Variants in GTPBP8 observed in about 807,000 individuals in gnomAD.
GTPBP8 encodes the protein GTP binding protein 8, also known as GTP-binding protein 8.
A neutral mutation model predicts 27.3 loss-of-function variants in GTPBP8; 21 were observed. That is an observed-to-expected ratio of 0.77 (90% confidence interval 0.55 to 1.11). The LOEUF is 1.11. GTPBP8 is among the 50% of genes least tolerant of loss of function. The probability of loss-of-function intolerance (pLI) is 0.00; values close to 1 mark genes in which losing one functional copy is unlikely to be tolerated. For missense variants in GTPBP8, 380 were observed against 350.8 expected (o/e 1.08, Z -0.67); for synonymous variants, 147 against 135.3 (o/e 1.09, Z -0.60).
Position 112,993,023 on chromosome 3 carries a change from A to C in GTPBP8, c.337-3A>C, listed in dbSNP as rs749506973. ...GTACTTATCTTGTTTTTTCTTGTAT[A>C]AGGTGTGTTTTATAGGCAGAAGCAA... On this transcript the variant is annotated splice_region_variant and splice_polypyrimidine_tract_variant and intron_variant, in intron 1 of 5. Transcript: ENST00000383678. 2.6e-6 allele frequency: 4 copies of C among 1,553,348 alleles called. No individual in the cohort carries two copies. The highest frequency in any genetic ancestry group is 3.4e-4 in the Middle Eastern group (2 of 5,932).
Position 112,991,182 on chromosome 3 carries a change from C to A in GTPBP8, c.183C>A (p.Tyr61Ter). The A allele has an allele frequency of 6.2e-7, 1 of 1,614,164 alleles. No homozygotes were observed. The highest frequency in any genetic ancestry group is 1.1e-5 in the South Asian group (1 of 91,090). Residue 61 changes from tyrosine to a stop codon, truncating the protein, a stop_gained, in exon 1 of 6, where the codon TAC becomes TAA. Transcript: ENST00000383678. LOFTEE classifies it high-confidence loss of function. ...LQEVERFLAP[Y>*]GRQDLHLRIF... is the part of the protein sequence containing the mutation. ...AAGTAGAGCGGTTCCTCGCCCCCTA[C>A]GGGAGGCAAGACCTTCACCTGCGTA...
At chr3:112,995,428 A>G (rs1242422979) in intron 3 of GTPBP8, among the ~76,000 whole-genome samples, 163 bp downstream of exon 3, 1 of 152,204 alleles carries the variant, frequency 6.6e-6, no homozygotes, top group Admixed American at 6.5e-5. Context: ...ATTTAGGACC[A>G]AGGTATATAC....
intron 1 of GTPBP8, 68 bp from the exon 2 acceptor site, chr3:112,992,958 T>G: frequency 3.7e-6 from 3 of 804,990 alleles, no homozygotes; most frequent in Non-Finnish European, 6.2e-6. Flanking sequence ...GAATTTGAAG[T>G]TTTTTACATC....
At chr3:112,993,747 G>A (rs769216866) in intron 2 of GTPBP8, among the ~76,000 whole-genome samples, 4 of 152,056 alleles carry the variant, frequency 2.6e-5, no homozygotes, top group South Asian at 2.1e-4. Flanking sequence ...GTGTATGTGC[G>A]TGCACGAACG....
chr3:112,991,099 G>A lies in GTPBP8; in HGVS notation c.100G>A (p.Ala34Thr). ...CTATAATAGCACGTCCCAAGCTTTT[G>A]CTGAGGTGCTGCGGCTGCCGAAGCA... ...SRYNSTSQAF[A>T]EVLRLPKQQL... Residue 34 changes from alanine (A) to threonine (T), a missense_variant, in exon 1 of 6, where the codon GCT becomes ACT. Transcript: ENST00000383678. 1 of 1,614,132 alleles carries A rather than the reference G, an allele frequency of 6.2e-7. No individual in the cohort carries two copies. The highest frequency in any genetic ancestry group is 8.5e-7 in the Non-Finnish European group (1 of 1,180,020).
At chr3:112,996,348 C>A (rs1010990004) in intron 3 of GTPBP8, among the ~76,000 whole-genome samples, 1 of 151,810 alleles carries the variant, frequency 6.6e-6, no homozygotes, top group Non-Finnish European at 1.5e-5. Context: ...TGCCTGTAAT[C>A]CCAACTCCTC....
At chr3:112,998,591 G>C (rs143529954) in intron 4 of GTPBP8, among the ~76,000 whole-genome samples, 48 of 152,150 alleles carry the variant, frequency 3.2e-4, no homozygotes, top group African/African-American at 1.0e-3. Context: ...TGGAATGAGG[G>C]TCATATGACC....
In GTPBP8 at chr3:112,991,225, G is replaced by C. The variant is rs750674632; in HGVS notation, c.226G>C (p.Glu76Gln). The C allele has an allele frequency of 3.7e-6, 6 of 1,614,056 alleles. No homozygotes were observed. Among genetic ancestry groups the C allele is most frequent in the East Asian group, 2.2e-5 (1 of 44,894 alleles). ...CCTGCGTATCTTTGACCCAAGCCCG[G>C]AGGACATAGCCAGGGCGGACAACAT... Reference protein sequence around the residue: ...LHLRIFDPSPEDIARADNIFT... With the variant: ...LHLRIFDPSPQDIARADNIFT... The change falls in exon 1 of 6, where the codon GAG becomes CAG. Residue 76 changes from glutamate (E) to glutamine (Q), a missense_variant. Coordinates refer to ENST00000383678, the MANE Select transcript of GTPBP8 (RefSeq NM_014170.4).
rs1559711059 is a variant in GTPBP8, at chr3:112,996,889, TAGCTTGA to T, written c.567_573del (p.Asn189LysfsTer6). On this transcript the variant is annotated splice_acceptor_variant and coding_sequence_variant, in exon 4 of 6. Transcript: ENST00000383678. LOFTEE classifies it high-confidence loss of function. Reference sequence around the variant, plus strand: ...ATTAATCTTCTTTTCTACATGCTTATAGCTTGAAGAGAACATTTTTATTAGTGGATAG... The same window carrying T: ...ATTAATCTTCTTTTCTACATGCTTATAGAGAACATTTTTATTAGTGGATAG... 1 of 1,351,170 alleles carries T rather than the reference TAGCTTGA, an allele frequency of 7.4e-7. No individual in the cohort carries two copies. Among genetic ancestry groups the T allele is most frequent in the Non-Finnish European group, 1.1e-6 (1 of 941,454 alleles). 83.7% of individuals were successfully genotyped at this position (1,351,170 alleles called of 1,614,324 possible). A position where few individuals can be genotyped will look rare whatever the true frequency, so the allele number is the denominator to read the frequency against.
chr3:112,999,326 A>G (rs1206842771), intron 4 of GTPBP8, 120 bp from the exon 5 acceptor site: 6 of 499,026 alleles, frequency 1.2e-5, no homozygotes, highest in Non-Finnish European at 1.8e-5. Context: ...AGATGAGGAA[A>G]TAGGTACAGA....
rs1576168777 is a variant in GTPBP8 at position 112,999,634 on chromosome 3, T to A, written c.785+70T>A. On this transcript the variant is annotated intron_variant, in intron 5 of 5. Transcript: ENST00000383678. ...TTGAGAATGTTGTGGGTTTTTTTTT[T>A]ATTTCGATAGTTTTTGGGGAACAGG... is the stretch of plus-strand genomic sequence containing the variant. 2.9e-5 allele frequency: 20 copies of A among 684,780 alleles called. No homozygotes were observed. In the East Asian group the frequency reaches 4.7e-4, roughly 16 times the overall value. 42.4% of individuals were successfully genotyped at this position (684,780 alleles called of 1,614,324 possible).
chr3:112,999,409 CTTTA>C, intron 4 of GTPBP8, 33 bp from the exon 5 acceptor site: 1 of 717,350 alleles, frequency 1.4e-6, no homozygotes, highest in Non-Finnish European at 2.4e-6. Flanking sequence ...TTAAGAACCA[CTTTA>C]TTTCTAATGC....
chr3:112,993,128 T>C lies in GTPBP8; in HGVS notation c.435+4T>C. On this transcript the variant is annotated splice_donor_region_variant and intron_variant, in intron 2 of 5. Transcript: ENST00000383678. ...AGTCAGAGTCTCCAAAAAACCAGTATGTTGAAGTTTTTAAATATGTTTGGA... is the reference window on the plus strand; with the variant it reads ...AGTCAGAGTCTCCAAAAAACCAGTACGTTGAAGTTTTTAAATATGTTTGGA... The C allele has an allele frequency of 6.7e-7, 1 of 1,486,220 alleles. No individual in the cohort carries two copies. Among genetic ancestry groups the C allele is most frequent in the Non-Finnish European group, 9.4e-7 (1 of 1,065,902 alleles). 92.1% of individuals were successfully genotyped at this position (1,486,220 alleles called of 1,614,324 possible).
intron 5 of GTPBP8, among the ~76,000 whole-genome samples, chr3:113,000,118 T>C (rs937302080): frequency 2.0e-5 from 3 of 152,188 alleles, no homozygotes; most frequent in Non-Finnish European, 4.4e-5. Context: ...CCAGGTGCCA[T>C]GGCTCATGCC....
At chr3:112,999,585 T>C in intron 5 of GTPBP8, 21 bp downstream of exon 5, 1 of 955,480 alleles carries the variant, frequency 1.0e-6, no homozygotes, top group East Asian at 2.5e-5. Flanking sequence ...AATTGTTTTG[T>C]TTTTTGTTTT....
chr3:112,993,391 A>C (rs559683332), intron 2 of GTPBP8, among the ~76,000 whole-genome samples: 1 of 152,274 alleles, frequency 6.6e-6, no homozygotes, highest in Non-Finnish European at 1.5e-5. Context: ...AAAGTGTCTT[A>C]TTGTCATTCT....
intron 4 of GTPBP8, among the ~76,000 whole-genome samples, chr3:112,998,183 C>G (rs1019821705): frequency 6.6e-6 from 1 of 151,984 alleles, no homozygotes; most frequent in Non-Finnish European, 1.5e-5. Flanking sequence ...GGGTTTTTGT[C>G]TTCACCAACA....
intron 3 of GTPBP8, 62 bp from the exon 4 acceptor site, chr3:112,996,830 A>G: frequency 3.9e-6 from 3 of 768,720 alleles, no homozygotes; most frequent in Non-Finnish European, 7.1e-6. Flanking sequence ...AGTAAGGAAG[A>G]GGGGATAAAT....
Position 112,999,498 on chromosome 3 carries a change from T to A in GTPBP8, c.719T>A (p.Val240Glu). 1.3e-6 allele frequency: 2 copies of A among 1,550,346 alleles called. No homozygotes were observed. Among genetic ancestry groups the A allele is most frequent in the Non-Finnish European group, 1.8e-6 (2 of 1,137,546 alleles). Residue 240 changes from valine to glutamate, a missense_variant, in exon 5 of 6, where the codon GTG (valine) becomes GAG (glutamate). Transcript: ENST00000383678. The part of the protein sequence containing the change: ...KSSKGHLLKQ[V>E]LQIQKFVNMK... Reference sequence around the variant, plus strand: ...TCCAAGGGACATCTTTTAAAACAAGTGCTTCAGATCCAGAAATTTGTTAAC... The same window carrying A: ...TCCAAGGGACATCTTTTAAAACAAGAGCTTCAGATCCAGAAATTTGTTAAC...
Sources: allele counts gnomAD v4.1 joint callset (sites outside exome capture counted in the v4.1 genomes callset), GRCh38; gene constraint gnomAD v4.1.1; transcripts MANE v1.5; gene names NCBI Gene and HGNC (gene_info 2026-07-23, HGNC 2026-07-21).